The following GALNT15 variants were observed in gnomAD, a reference collection of about 807,000 sequenced individuals.
GALNT15 encodes the protein UDP-GalNAc transferase T15.
Under a neutral mutation model 66.8 loss-of-function variants are expected in GALNT15, and 67 were observed. The ratio of observed to expected loss-of-function variants is 1.00; its 90% confidence interval spans 0.82 to 1.23. GALNT15 has a LOEUF of 1.23. GALNT15 is among the 50% of genes most tolerant of loss of function. GALNT15 has a pLI of 0.00. For synonymous variants in GALNT15, 313 were observed against 311.5 expected (o/e 1.00, Z -0.05); for missense variants, 827 against 804.3 (o/e 1.03, Z -0.34).
intron 8 of GALNT15, among the ~76,000 whole-genome samples, chr3:16,222,006 C>T (rs1052093465): frequency 1.3e-5 from 2 of 152,204 alleles, no homozygotes; most frequent in Non-Finnish European, 2.9e-5. Flanking sequence ...TGAAGTTGAT[C>T]CTGTCTGTAA....
rs2063812394 is a variant in GALNT15 at position 16,211,288 on chromosome 3, TGTGTATG to T, written c.1197+50_1197+56del. 8.2e-7 allele frequency: 1 copy of T among 1,215,906 alleles called. No homozygotes were observed. Among genetic ancestry groups the T allele is most frequent in the Non-Finnish European group, 1.2e-6 (1 of 817,902 alleles). 75.3% of individuals were successfully genotyped at this position (1,215,906 alleles called of 1,614,324 possible). A position where few individuals can be genotyped will look rare whatever the true frequency, so the allele number is the denominator to read the frequency against. ...GACAGAGGTGGGATCTCTGGAGTGG[TGTGTATG>T]GTCACAGCTCAGAGGCAGGCATTAG... is the stretch of plus-strand genomic sequence containing the variant. On this transcript the variant is annotated intron_variant, in intron 5 of 9. Transcript: ENST00000339732. The surrounding 1 kb of genome is among the most constrained non-coding windows in gnomAD (Gnocchi z 4.3).
chr3:16,197,592 T>A (rs2063652331), intron 2 of GALNT15, among the ~76,000 whole-genome samples: 1 of 152,176 alleles, frequency 6.6e-6, no homozygotes, highest in South Asian at 2.1e-4. Context: ...TGCTGCGGGT[T>A]GCCCTGAGCC....
chr3:16,244,074 C>T, the GALNT15 span: 1 of 891,824 alleles, frequency 1.1e-6, no homozygotes, highest in Non-Finnish European at 1.3e-6. Flanking sequence ...CTGCATGGCT[C>T]AAAGTAACAA....
chr3:16,237,822 T>C, the GALNT15 span, among the ~76,000 whole-genome samples: 1 of 152,260 alleles, frequency 6.6e-6, no homozygotes, highest in Non-Finnish European at 1.5e-5. The surrounding 1 kb of genome is among the most constrained non-coding windows in gnomAD (Gnocchi z 4.2). Context: ...ACTGTCTCCT[T>C]GAGGTTCCCG....
chr3:16,234,788 A>G (rs920889961), downstream of GALNT15, among the ~76,000 whole-genome samples: 1 of 152,166 alleles, frequency 6.6e-6, no homozygotes, highest in Non-Finnish European at 1.5e-5. Context: ...GTCTCAACCC[A>G]TGCACAAGAT....
chr3:16,200,633 G>T lies in GALNT15; in HGVS notation c.721G>T (p.Ala241Ser). 6.4e-7 allele frequency: 1 copy of T among 1,566,090 alleles called. No individual in the cohort carries two copies. The highest frequency in any genetic ancestry group is 1.2e-5 in the South Asian group (1 of 82,676). The change falls in exon 3 of 10, where the codon GCT becomes TCT. Residue 241 changes from alanine (A) to serine (S), a missense_variant. Physicochemically the swap from Ala to Ser is moderately conservative, Grantham distance 99. Coordinates refer to ENST00000339732, the MANE Select transcript of GALNT15 (RefSeq NM_054110.5). This position sits in a 1 kb window ranked among gnomAD's most constrained non-coding sequence, Gnocchi z 4.4. ...GTTGATTCCAGGACAACTCAAGTCT[G>T]CTCTCAGCGAATATGTGGCCAGGCT... is the stretch of plus-strand genomic sequence containing the variant. ...DLSQQGQLKSALSEYVARLEG... is the reference protein window; with the variant it reads ...DLSQQGQLKSSLSEYVARLEG...
Position 16,227,421 on chromosome 3 carries a change from A to T in GALNT15, c.1841A>T (p.Asp614Val). ...MEAVVQENNK[D>V]LYLRPCDGKA... is the part of the protein sequence containing the mutation. ...GCTGTGGTGCAAGAAAACAATAAAG[A>T]TTTGTACCTGCGTCCGTGTGATGGA... Residue 614 changes from aspartate (D) to valine (V), a missense_variant, in exon 10 of 10, where the codon GAT becomes GTT. Transcript: ENST00000339732. The surrounding 1 kb of genome is among the most constrained non-coding windows in gnomAD (Gnocchi z 4.5). The T allele has an allele frequency of 1.9e-6, 3 of 1,614,134 alleles. No individual in the cohort carries two copies. The highest frequency in any genetic ancestry group is 2.5e-6 in the Non-Finnish European group (3 of 1,180,004).
Position 16,229,429 on chromosome 3 carries a change from A to G in GALNT15, c.*1929A>G. On this transcript the variant is annotated 3_prime_UTR_variant, in exon 10 of 10. Transcript: ENST00000339732. ...AGGGTCTACTTCTACTGTATTGGCG[A>G]GCATGGATATAGAACATTTCATCAC... The G allele has an allele frequency of 2.2e-6, 2 of 927,928 alleles. No individual in the cohort carries two copies. The highest frequency in any genetic ancestry group is 9.9e-5 in the South Asian group (2 of 20,122). The allele number at this position is 927,928 out of a possible 1,614,324, so 57.5% of individuals were successfully genotyped here.
intron 8 of GALNT15, 133 bp from the exon 9 acceptor site, chr3:16,222,482 G>A: frequency 9.4e-7 from 1 of 1,065,416 alleles, no homozygotes; most frequent in Non-Finnish European, 1.4e-6. Flanking sequence ...CATGAGATAT[G>A]GTCTTTCTGA....
rs1037747391 is a variant in GALNT15 at position 16,195,158 on chromosome 3, C to T, written c.540-602C>T. ...TCCTATCCAAGCCTCACCACAGCCTCGGGGAGTCCTGATCTTCCCAGAAGG... is the reference window on the plus strand; with the variant it reads ...TCCTATCCAAGCCTCACCACAGCCTTGGGGAGTCCTGATCTTCCCAGAAGG... On this transcript the variant is annotated intron_variant, in intron 1 of 9. Coordinates refer to ENST00000339732, the MANE Select transcript of GALNT15 (RefSeq NM_054110.5). This position sits in a 1 kb window ranked among gnomAD's most constrained non-coding sequence, Gnocchi z 4.6. Among the ~76,000 whole-genome samples the T allele has an allele frequency of 4.6e-5, 7 of 152,272 alleles. No homozygotes were observed. Among genetic ancestry groups the T allele is most frequent in the East Asian group, 1.9e-4 (1 of 5,176 alleles).
intron 1 of GALNT15, among the ~76,000 whole-genome samples, chr3:16,185,446 A>C (rs191223365): frequency 3.5e-4 from 54 of 152,328 alleles, no homozygotes; most frequent in African/African-American, 1.3e-3. Context: ...AACATCCTCA[A>C]TAAGTTCCCT....
intron 2 of GALNT15, among the ~76,000 whole-genome samples, chr3:16,198,014 G>T (rs2063658718): frequency 1.4e-5 from 2 of 143,148 alleles, no homozygotes; most frequent in Non-Finnish European, 3.1e-5. Context: ...GCCCAAGGAG[G>T]GCTTCATAAA....
In GALNT15 at chr3:16,195,952, G is replaced by A. The variant is rs368971384; in HGVS notation, c.706+26G>A. ...GTAGCCACGGCTTTCCTCCAGGCTC[G>A]TCTGGGTGAGCCTTACCCCCTGGCG... On this transcript the variant is annotated intron_variant, in intron 2 of 9. Transcript: ENST00000339732. This position sits in a 1 kb window ranked among gnomAD's most constrained non-coding sequence, Gnocchi z 4.6. 6.9e-5 allele frequency: 112 copies of A among 1,612,078 alleles called. No homozygotes were observed. The highest frequency in any genetic ancestry group is 6.8e-4 in the African/African-American group (51 of 75,014).
Position 16,228,793 on chromosome 3 carries a change from T to G in GALNT15, c.*1293T>G, listed in dbSNP as rs1375067775. The G allele has an allele frequency of 1.0e-6, 1 of 985,408 alleles. No homozygotes were observed. The highest frequency in any genetic ancestry group is 1.2e-6 in the Non-Finnish European group (1 of 829,942). The allele number at this position is 985,408 out of a possible 1,614,324, so 61.0% of individuals were successfully genotyped here. A position where few individuals can be genotyped will look rare whatever the true frequency, so the allele number is the denominator to read the frequency against. The stretch of plus-strand genomic sequence containing the variant: ...CCAAAATTCTTATGACAGGTAACAT[T>G]TGGGTGTTAATGTCCATGAGAGCTG... On this transcript the variant is annotated 3_prime_UTR_variant, in exon 10 of 10. Transcript: ENST00000339732.
At chr3:16,202,525 C>T (rs182940616) in intron 3 of GALNT15, among the ~76,000 whole-genome samples, 152 of 152,286 alleles carry the variant, frequency 1.0e-3, no homozygotes, top group African/African-American at 3.2e-3. Context: ...CCCAGCTACT[C>T]GGGAGGCTGA....
chr3:16,227,553 G>C lies in GALNT15; in HGVS notation c.*53G>C. On this transcript the variant is annotated 3_prime_UTR_variant, in exon 10 of 10. Transcript: ENST00000339732. This position sits in a 1 kb window ranked among gnomAD's most constrained non-coding sequence, Gnocchi z 4.5. ...TTTGGCCATCAAAATCCAGCTCCAA[G>C]TGAACTTAAAGAGCTTATATATTTC... The C allele has an allele frequency of 3.7e-6, 6 of 1,613,748 alleles. No individual in the cohort carries two copies. Among genetic ancestry groups the C allele is most frequent in the Non-Finnish European group, 5.1e-6 (6 of 1,179,850 alleles).
chr3:16,177,458 G>A (rs2124832636), intron 1 of GALNT15, among the ~76,000 whole-genome samples: 1 of 152,322 alleles, frequency 6.6e-6, no homozygotes. Flanking sequence ...TGTTGTGTGT[G>A]CATTGCATTA....
In GALNT15 at chr3:16,200,750, G is replaced by A. The variant is rs755282595; in HGVS notation, c.838G>A (p.Val280Ile). The change falls in exon 3 of 10, where the codon GTC (valine) becomes ATC (isoleucine). Residue 280 changes from valine to isoleucine, a missense_variant. Transcript: ENST00000339732. The surrounding 1 kb of genome is among the most constrained non-coding windows in gnomAD (Gnocchi z 4.4). ...CACCAGAGCCACCGGGGATGTGCTC[G>A]TCTTCATGGATGCCCACTGCGAGTG... ...GATRATGDVL[V>I]FMDAHCECHP... 36 of 1,612,778 alleles carry A rather than the reference G, an allele frequency of 2.2e-5. No individual in the cohort carries two copies. The highest frequency in any genetic ancestry group is 2.2e-5 in the East Asian group (1 of 44,718).
At chr3:16,248,184 G>C in the GALNT15 span, among the ~76,000 whole-genome samples, 1 of 152,162 alleles carries the variant, frequency 6.6e-6, no homozygotes, top group Non-Finnish European at 1.5e-5. This position sits in a 1 kb window ranked among gnomAD's most constrained non-coding sequence, Gnocchi z 4.9. Context: ...AGAAAATATA[G>C]GTGCCTTAGC....
Sources: gnomAD v4.1 joint callset for allele counts (sites outside exome capture counted in the v4.1 genomes callset) on GRCh38, gnomAD v4.1.1 for gene constraint, Gnocchi (gnomAD v3.1) non-coding constraint, MANE v1.5 for transcripts, NCBI Gene and HGNC (gene_info 2026-07-23, HGNC 2026-07-21) for gene names.